The following HEATR5A variants were observed in gnomAD, a reference collection of about 807,000 sequenced individuals.
The protein encoded by HEATR5A is HEAT repeat-containing protein 5A.
A neutral mutation model predicts 218.8 loss-of-function variants in HEATR5A; 178 were observed. The observed-to-expected ratio is 0.81, with a 90% CI of 0.72 to 0.92. The LOEUF is 0.92. HEATR5A is among the 40% of genes least tolerant of loss of function. HEATR5A has a pLI of 0.00. For missense variants in HEATR5A, 2,420 were observed against 2,418.9 expected (o/e 1.00, Z -0.01); for synonymous variants, 864 against 871.6 (o/e 0.99, Z 0.15).
At chr14:31,343,637 T>G (rs763937042) in intron 21 of HEATR5A, among the ~76,000 whole-genome samples, 18 of 152,186 alleles carry the variant, frequency 1.2e-4, no homozygotes, top group Non-Finnish European at 2.4e-4. Context: ...AAGCACACAA[T>G]ATGTTTTCAT....
At chr14:31,300,290 T>TTTTTC (rs995110935) in intron 33 of HEATR5A, among the ~76,000 whole-genome samples, 1 of 151,810 alleles carries the variant, frequency 6.6e-6, no homozygotes, top group African/African-American at 2.4e-5. Context: ...TCTTTTTCTT[T>TTTTTC]TTTTCTTTTT....
At chr14:31,394,395 T>A (rs1465098945) in intron 5 of HEATR5A, among the ~76,000 whole-genome samples, 169 bp from the exon 6 acceptor site, 1 of 152,130 alleles carries the variant, frequency 6.6e-6, no homozygotes, top group East Asian at 1.9e-4. Context: ...TCATAAAGAT[T>A]ATATTATAGA....
chr14:31,379,567 A>T (rs2029899922), intron 11 of HEATR5A, among the ~76,000 whole-genome samples: 1 of 152,160 alleles, frequency 6.6e-6, no homozygotes, highest in Admixed American at 6.6e-5. Flanking sequence ...GTTGTTTTAT[A>T]TCTAGCTATA....
At chr14:31,398,213 G>T (rs2030732460) in intron 4 of HEATR5A, among the ~76,000 whole-genome samples, 1 of 150,856 alleles carries the variant, frequency 6.6e-6, no homozygotes, top group Admixed American at 6.6e-5. Context: ...AGGTCATCTG[G>T]ATCTGGTCAC....
intron 33 of HEATR5A, among the ~76,000 whole-genome samples, chr14:31,300,174 TACAC>T (rs1212949808): frequency 6.6e-6 from 1 of 152,172 alleles, no homozygotes; most frequent in Non-Finnish European, 1.5e-5. Flanking sequence ...TCACGACTCT[TACAC>T]ACTCTTCCAT....
rs777413994 is a variant in HEATR5A at position 31,326,271 on chromosome 14, A to ATC, written c.3437_3438dup (p.Leu1147AspfsTer10). 8 of 1,613,012 alleles carry ATC rather than the reference A, an allele frequency of 5.0e-6. No individual in the cohort carries two copies. The East Asian group carries it at 1.8e-4, about 36-fold the overall frequency. On this transcript the variant is annotated frameshift_variant, in exon 23 of 36. Coordinates refer to ENST00000543095, the MANE Select transcript of HEATR5A (RefSeq NM_015473.4). LOFTEE classifies it high-confidence loss of function. ...AAAGTCTCTTTGATATCATGGCATA[A>ATC]TCTCTCATCTGTCTCCTTGTCTAGT...
chr14:31,397,572 T>C (rs1411590986), intron 4 of HEATR5A, among the ~76,000 whole-genome samples: 2 of 151,560 alleles, frequency 1.3e-5, no homozygotes, highest in Non-Finnish European at 2.9e-5. Context: ...GGCTGGAGAA[T>C]TGCTGGAGCC....
intron 33 of HEATR5A, 162 bp from the exon 34 acceptor site, chr14:31,296,225 A>G (rs1014336349): frequency 2.5e-5 from 13 of 523,950 alleles, no homozygotes; most frequent in South Asian, 1.5e-4. Flanking sequence ...GATGTGCATT[A>G]TAAGTAATTC....
chr14:31,311,930 G>A lies in HEATR5A; in HGVS notation c.4441+1038C>T, dbSNP rs572362298. Among the ~76,000 whole-genome samples, 7 of 152,276 alleles carry A rather than the reference G, an allele frequency of 4.6e-5. No individual in the cohort carries two copies. The South Asian group carries it at 1.2e-3, about 27-fold the overall frequency. ...CCATGGGCTGTGGACTGCACAATCT[G>A]AGCTGACCCGAATGGCCACTTGTAT... On this transcript the variant is annotated intron_variant, in intron 28 of 35. Coordinates refer to ENST00000543095, the MANE Select transcript of HEATR5A (RefSeq NM_015473.4).
chr14:31,374,117 G>A (rs1487461392), intron 12 of HEATR5A, among the ~76,000 whole-genome samples: 1 of 151,834 alleles, frequency 6.6e-6, no homozygotes, highest in African/African-American at 2.4e-5. Flanking sequence ...ACCAGCCTGG[G>A]CAGCATAGTG....
chr14:31,323,849 T>G (rs372724458), intron 23 of HEATR5A, 45 bp from the exon 24 acceptor site: 1 of 12,616 alleles, frequency 7.9e-5, no homozygotes, highest in Non-Finnish European at 4.1e-4. Context: ...AACTGAAAGA[T>G]ATATATATAT....
intron 10 of HEATR5A, among the ~76,000 whole-genome samples, chr14:31,382,627 T>C (rs1397863563): frequency 6.6e-6 from 1 of 151,946 alleles, no homozygotes; most frequent in Non-Finnish European, 1.5e-5. Context: ...TCTTCAAAAT[T>C]CTTTGTACAT....
At position 31,349,798 on chromosome 14, in the gene HEATR5A, C is replaced by T. The variant is rs1172531308; in HGVS notation, c.2699G>A (p.Ser900Asn). The T allele has an allele frequency of 6.2e-7, 1 of 1,609,836 alleles. No homozygotes were observed. The highest frequency in any genetic ancestry group is 8.5e-7 in the Non-Finnish European group (1 of 1,176,794). The change falls in exon 18 of 36, where the codon AGC (serine) becomes AAC (asparagine). Residue 900 changes from serine (S) to asparagine (N), a missense_variant. Transcript: ENST00000543095. ...TAAGAAATTCACTTACTTGTCAAAG[C>T]TAACTTGAGCTAATCCAGCAGTAAA... ...GAFTAGLAQV[S>N]FDKLKSARDV... is the part of the protein sequence containing the mutation.
chr14:31,398,481 T>C (rs1049992407), intron 4 of HEATR5A, among the ~76,000 whole-genome samples, 192 bp downstream of exon 4: 1 of 152,220 alleles, frequency 6.6e-6, no homozygotes, highest in Non-Finnish European at 1.5e-5. Flanking sequence ...TCTACTGCAT[T>C]ACTATTTTTC....
chr14:31,420,305 C>G (rs1231769068), intron 1 of HEATR5A, 167 bp downstream of exon 1: 1 of 152,344 alleles, frequency 6.6e-6, no homozygotes, highest in East Asian at 1.9e-4. Context: ...GGTTCTCCCA[C>G]CGGCTTCTTT....
At chr14:31,330,354 C>T (rs117725318) in intron 22 of HEATR5A, among the ~76,000 whole-genome samples, 1 of 152,164 alleles carries the variant, frequency 6.6e-6, no homozygotes, top group Non-Finnish European at 1.5e-5. Flanking sequence ...CACAAGGCAA[C>T]AATTCCCAAG....
intron 13 of HEATR5A, among the ~76,000 whole-genome samples, chr14:31,365,474 C>A (rs1901767812): frequency 6.6e-6 from 1 of 152,068 alleles, no homozygotes; most frequent in South Asian, 2.1e-4. Flanking sequence ...CATTTTCCTG[C>A]CTCAGCCTAC....
chr14:31,358,526 C>T (rs780000407), intron 16 of HEATR5A, 111 bp downstream of exon 16: 28 of 963,134 alleles, frequency 2.9e-5, no homozygotes, highest in Non-Finnish European at 4.0e-5. Context: ...TTATATTTCA[C>T]CTTCACCTGT....
intron 21 of HEATR5A, among the ~76,000 whole-genome samples, chr14:31,337,829 T>G (rs115816605): frequency 9.7e-4 from 147 of 152,294 alleles, no homozygotes; most frequent in Middle Eastern, 3.4e-3. Flanking sequence ...GTGTACTAGA[T>G]TATGCACTAC....
Sources: gnomAD v4.1 joint callset for allele counts (sites outside exome capture counted in the v4.1 genomes callset) on GRCh38, gnomAD v4.1.1 for gene constraint, MANE v1.5 for transcripts, NCBI Gene and HGNC (gene_info 2026-07-23, HGNC 2026-07-21) for gene names.